Variants in WASHC2C observed in about 807,000 individuals in gnomAD.
WASHC2C encodes the protein Vaccinia Penetration Factor.
In WASHC2C, 73 loss-of-function variants were observed where a neutral mutation model predicts 142.2. That is an observed-to-expected ratio of 0.51 (90% confidence interval 0.43 to 0.62). The LOEUF (loss-of-function observed/expected upper bound fraction) is 0.62, where lower values mean the gene tolerates loss of function less well. Among genes scored for constraint, WASHC2C ranks in the 20% least tolerant of loss-of-function variants. The probability of loss-of-function intolerance (pLI) is 0.00; values close to 1 mark genes in which losing one functional copy is unlikely to be tolerated. For missense variants in WASHC2C, 969 were observed against 1,531.7 expected (o/e 0.63, Z 6.13); for synonymous variants, 337 against 565.5 (o/e 0.60, Z 5.73).
intron 3 of WASHC2C, among the ~76,000 whole-genome samples, chr10:45,732,090 C>G: frequency 6.6e-6 from 1 of 152,106 alleles, no homozygotes; most frequent in Non-Finnish European, 1.5e-5. Flanking sequence ...GCCACCATAC[C>G]CGGCAATCTG....
chr10:45,754,677 T>C (rs2054021387), intron 14 of WASHC2C, 132 bp downstream of exon 14: 6 of 982,354 alleles, frequency 6.1e-6, no homozygotes, highest in Non-Finnish European at 8.9e-6. Context: ...GAGCATCTTA[T>C]AGAAAGAGCT....
intron 23 of WASHC2C, 106 bp downstream of exon 23, chr10:45,779,241 A>G (rs1477155429): frequency 6.6e-6 from 5 of 757,424 alleles, no homozygotes; most frequent in African/African-American, 1.7e-5. Context: ...TTAACCTTCA[A>G]TGTAGTGTGT....
chr10:45,763,367 A>G, intron 17 of WASHC2C, 21 bp from the exon 18 acceptor site: 2 of 662,336 alleles, frequency 3.0e-6, no homozygotes, highest in Non-Finnish European at 2.7e-6. Context: ...TTAACCAGCA[A>G]CTTTAATTTC....
Position 45,792,706 on chromosome 10 carries a change from T to C in WASHC2C, c.*306T>C, listed in dbSNP as rs2058450737. 1 of 526,054 alleles carries C rather than the reference T, an allele frequency of 1.9e-6. No individual in the cohort carries two copies. The highest frequency in any genetic ancestry group is 2.8e-5 in the Admixed American group (1 of 35,384). 32.6% of individuals were successfully genotyped at this position (526,054 alleles called of 1,614,324 possible). A position where few individuals can be genotyped will look rare whatever the true frequency, so the allele number is the denominator to read the frequency against. ...AGAAGAAATCTCTTTGTGGCTTTCATGGGCAGGGAATCTCAGAGATAGCAA... is the reference window on the plus strand; with the variant it reads ...AGAAGAAATCTCTTTGTGGCTTTCACGGGCAGGGAATCTCAGAGATAGCAA... On this transcript the variant is annotated 3_prime_UTR_variant, in exon 31 of 31. Transcript: ENST00000623400.
At position 45,727,478 on chromosome 10, in the gene WASHC2C, C is replaced by G. The variant is rs779937290; in HGVS notation, c.65C>G (p.Pro22Arg). ...GCGTCGGAGCCCGTGTGGGAGCGGC[C>G]GTGGTCGGTGGAGGAGATCCGCAGG... is the stretch of plus-strand genomic sequence containing the variant. ...VPASEPVWER[P>R]WSVEEIRRSS... The change falls in exon 2 of 31, where the codon CCG becomes CGG. Residue 22 changes from proline to arginine, a missense_variant. Transcript: ENST00000623400. 4 of 1,608,726 alleles carry G rather than the reference C, an allele frequency of 2.5e-6. No individual in the cohort carries two copies. The highest frequency in any genetic ancestry group is 1.7e-5 in the Admixed American group (1 of 59,594).
At chr10:45,749,781 G>C (rs183487201) in intron 8 of WASHC2C, among the ~76,000 whole-genome samples, 1 of 141,816 alleles carries the variant, frequency 7.1e-6, no homozygotes, top group Non-Finnish European at 1.5e-5. Context: ...AGCCGAGATC[G>C]TGCTGATGCA....
chr10:45,751,769 A>T (rs868979708), intron 11 of WASHC2C, among the ~76,000 whole-genome samples: 51 of 152,100 alleles, frequency 3.4e-4, no homozygotes, highest in African/African-American at 1.2e-3. Context: ...TGAGGTCAGG[A>T]GTTTAAGACC....
intron 23 of WASHC2C, among the ~76,000 whole-genome samples, chr10:45,782,227 T>C: frequency 6.6e-6 from 1 of 152,214 alleles, no homozygotes; most frequent in East Asian, 1.9e-4. Context: ...AGTTCAAGGC[T>C]GTAGTGGGCT....
chr10:45,768,947 G>C (rs61855828), intron 19 of WASHC2C, among the ~76,000 whole-genome samples: 10,488 of 151,958 alleles, frequency 0.069, 427 homozygotes, highest in South Asian at 0.12. Context: ...GAGAAGCTCT[G>C]TGAGGTCAGA....
chr10:45,727,050 C>G, upstream of WASHC2C: 1 of 1,176,764 alleles, frequency 8.5e-7, no homozygotes, highest in East Asian at 3.1e-5. Context: ...GCCCAACCCG[C>G]CTCTGCAGCG....
chr10:45,757,681 A>G (rs1249535016), intron 16 of WASHC2C, among the ~76,000 whole-genome samples: 1 of 151,944 alleles, frequency 6.6e-6, no homozygotes, highest in Non-Finnish European at 1.5e-5. Context: ...CTTGTCCCCA[A>G]AATGCCATTT....
In WASHC2C at chr10:45,727,424, G is replaced by A; in HGVS notation, c.11G>A (p.Arg4Gln). 6.2e-7 allele frequency: 1 copy of A among 1,611,430 alleles called. No individual in the cohort carries two copies. The highest frequency in any genetic ancestry group is 8.5e-7 in the Non-Finnish European group (1 of 1,179,456). Residue 4 changes from arginine (R) to glutamine (Q), a missense_variant, in exon 2 of 31, where the codon CGG (arginine) becomes CAG (glutamine). By Grantham distance (43) the Arg-to-Gln change is conservative (BLOSUM62 1). Coordinates refer to ENST00000623400, the MANE Select transcript of WASHC2C (RefSeq NM_001330074.2). MMN[R>Q]TTPDQELVPA... Reference sequence around the variant, plus strand: ...TCGTTTTTTTCGCTGCAGATGAACCGGACGACCCCCGACCAGGAGCTGGTG... The same window carrying A: ...TCGTTTTTTTCGCTGCAGATGAACCAGACGACCCCCGACCAGGAGCTGGTG...
Position 45,789,110 on chromosome 10 carries a change from T to A in WASHC2C, c.3327T>A (p.Pro1109=). The change falls in exon 29 of 31, where the codon CCT becomes CCA. Residue 1109 remains proline, a synonymous_variant. Transcript: ENST00000623400. ...AAAPWEGGPV[P]GVDTSPFAKS... Reference sequence around the variant, plus strand: ...CACCTTGGGAAGGTGGTCCTGTGCCTGGAGTGGACACAAGCCCCTTTGCAA... The same window carrying A: ...CACCTTGGGAAGGTGGTCCTGTGCCAGGAGTGGACACAAGCCCCTTTGCAA... The A allele has an allele frequency of 6.2e-7, 1 of 1,612,072 alleles. No individual in the cohort carries two copies. The highest frequency in any genetic ancestry group is 8.5e-7 in the Non-Finnish European group (1 of 1,179,866).
At position 45,746,821 on chromosome 10, in the gene WASHC2C, T is replaced by C. The variant is rs570426320; in HGVS notation, c.732+174T>C. Among the ~76,000 whole-genome samples, 227 of 152,368 alleles carry C rather than the reference T, an allele frequency of 1.5e-3. 4 individuals are homozygous for C. The South Asian group carries it at 0.023, about 15-fold the overall frequency. ...GCTAACTACCTCCTTTGTATATATTTTTTCCAATTTTGCTTTATAGTTTAT... is the reference window on the plus strand; with the variant it reads ...GCTAACTACCTCCTTTGTATATATTCTTTCCAATTTTGCTTTATAGTTTAT... On this transcript the variant is annotated intron_variant, in intron 8 of 30. Transcript: ENST00000623400.
Position 45,786,672 on chromosome 10 carries a change from C to G in WASHC2C, c.2872C>G (p.Gln958Glu), listed in dbSNP as rs782138626. ...ACCATCCACTCGGATCGGGAAGATA[C>G]AAGTAATTAAAACACTGGAATCTTC... ...KEPSTRIGKI[Q>E]ANLAINPAAL... Residue 958 changes from glutamine (Q) to glutamate (E), a missense_variant and splice_region_variant, in exon 27 of 31, where the codon CAA (glutamine) becomes GAA (glutamate). Transcript: ENST00000623400. 1 of 1,611,680 alleles carries G rather than the reference C, an allele frequency of 6.2e-7. No homozygotes were observed. The highest frequency in any genetic ancestry group is 8.5e-7 in the Non-Finnish European group (1 of 1,179,684).
chr10:45,762,794 T>C (rs2055291314), intron 17 of WASHC2C, among the ~76,000 whole-genome samples: 1 of 152,024 alleles, frequency 6.6e-6, no homozygotes, highest in African/African-American at 2.4e-5. Flanking sequence ...TAGTCTCAGC[T>C]ACTCAGGAGG....
intron 15 of WASHC2C, 51 bp downstream of exon 15, chr10:45,755,166 G>A (rs2054090513): frequency 6.4e-7 from 1 of 1,555,256 alleles, no homozygotes; most frequent in Non-Finnish European, 8.7e-7. Context: ...AAAGAATGTT[G>A]CCTAAAAAGA....
At chr10:45,776,139 CCTAA>C (rs1322811197) in intron 21 of WASHC2C, among the ~76,000 whole-genome samples, 1 of 152,102 alleles carries the variant, frequency 6.6e-6, no homozygotes, top group Non-Finnish European at 1.5e-5. Context: ...CTTATCTCTT[CCTAA>C]CTAAAAATCC....
chr10:45,773,892 C>CGAA (rs2056847407), intron 21 of WASHC2C, among the ~76,000 whole-genome samples: 1 of 31,078 alleles, frequency 3.2e-5, no homozygotes, highest in African/African-American at 1.3e-4. Context: ...TACTGCAGGC[C>CGAA]AAAAAAAAAA....
Sources: allele counts gnomAD v4.1 joint callset (sites outside exome capture counted in the v4.1 genomes callset), GRCh38; gene constraint gnomAD v4.1.1; transcripts MANE v1.5; gene names NCBI Gene and HGNC (gene_info 2026-07-23, HGNC 2026-07-21).